The following PID1 variants were observed in gnomAD, a reference collection of about 807,000 sequenced individuals.
PID1 encodes the protein phosphotyrosine interaction domain containing 1.
PID1 carries 10 observed loss-of-function variants against 19.1 expected under a neutral mutation model. That is an observed-to-expected ratio of 0.52 (90% CI 0.32 to 0.89). The LOEUF (loss-of-function observed/expected upper bound fraction) is 0.89. PID1 is among the 40% of genes least tolerant of loss of function. The pLI, the probability that PID1 is intolerant of heterozygous loss-of-function variation, is 0.03. For missense variants in PID1, 248 were observed against 285.3 expected, an observed-to-expected ratio of 0.87 and a Z score of 0.94; for synonymous variants, 130 against 116.0, an observed-to-expected ratio of 1.12 and a Z score of -0.78.
At chr2:229,210,722 T>C (rs985769708) in intron 1 of PID1, among the ~76,000 whole-genome samples, 4 of 152,032 alleles carry the variant, frequency 2.6e-5, no homozygotes, top group Non-Finnish European at 5.9e-5. Context: ...TGTGCCAATA[T>C]GGTGCTAGAA....
intron 1 of PID1, among the ~76,000 whole-genome samples, chr2:229,222,894 CACACACAT>C (rs774679965): frequency 0.013 from 1,689 of 131,968 alleles, 70 homozygotes; most frequent in Admixed American, 0.067. Context: ...CACACACACA[CACACACAT>C]GTACCCTATT....
intron 2 of PID1, among the ~76,000 whole-genome samples, chr2:229,055,623 T>C (rs1250536608): frequency 6.6e-6 from 1 of 152,218 alleles, no homozygotes; most frequent in Non-Finnish European, 1.5e-5. Context: ...TCTGTATCTA[T>C]AATATGTTTT....
chr2:229,233,490 ATTTTTTT>A (rs56199529), intron 1 of PID1, among the ~76,000 whole-genome samples: 2 of 141,946 alleles, frequency 1.4e-5, no homozygotes, highest in Non-Finnish European at 1.5e-5. Context: ...AGTGTGCTAG[ATTTTTTT>A]TTTTTTTTTT....
At chr2:229,119,969 C>T (rs574620463) in intron 2 of PID1, among the ~76,000 whole-genome samples, 3 of 152,256 alleles carry the variant, frequency 2.0e-5, no homozygotes, top group East Asian at 1.9e-4. Flanking sequence ...TCTTCAGACT[C>T]GGACTGGCCT....
chr2:229,218,429 A>T (rs1691896540), intron 1 of PID1, among the ~76,000 whole-genome samples: 1 of 152,132 alleles, frequency 6.6e-6, no homozygotes, highest in Non-Finnish European at 1.5e-5. Context: ...CACAAGTCGT[A>T]ATCACAGAGT....
chr2:229,201,556 T>A (rs1481394190), intron 1 of PID1, among the ~76,000 whole-genome samples: 1 of 152,016 alleles, frequency 6.6e-6, no homozygotes, highest in Non-Finnish European at 1.5e-5. Context: ...TTCCATGCTT[T>A]GGCTATTGTA....
intron 1 of PID1, among the ~76,000 whole-genome samples, chr2:229,222,796 G>A (rs1488803688): frequency 6.6e-6 from 1 of 151,864 alleles, no homozygotes; most frequent in Non-Finnish European, 1.5e-5. Flanking sequence ...GCTCTGCTGG[G>A]TCCGGATTTC....
intron 2 of PID1, among the ~76,000 whole-genome samples, chr2:229,104,470 G>A (rs931643355): frequency 2.0e-5 from 3 of 152,160 alleles, no homozygotes; most frequent in African/African-American, 4.8e-5. Flanking sequence ...ATACAAATGT[G>A]TACTCCTATT....
intron 1 of PID1, among the ~76,000 whole-genome samples, chr2:229,197,717 AT>A (rs1302757208): frequency 2.0e-5 from 3 of 151,976 alleles, no homozygotes; most frequent in African/African-American, 7.2e-5. Context: ...AAGCAATATA[AT>A]CCCTCTTGCT....
intron 2 of PID1, among the ~76,000 whole-genome samples, chr2:229,069,605 A>T (rs532918555): frequency 6.6e-6 from 1 of 152,320 alleles, no homozygotes; most frequent in East Asian, 1.9e-4. Context: ...TAGCCAACAT[A>T]TATTGAGAAA....
chr2:229,236,727 A>G (rs1689695186), intron 1 of PID1: 1 of 152,380 alleles, frequency 6.6e-6, no homozygotes, highest in Non-Finnish European at 1.5e-5. Flanking sequence ...CACCAGGTAG[A>G]AGGAAGAGGC....
chr2:229,231,014 G>A (rs1336472918), intron 1 of PID1, among the ~76,000 whole-genome samples: 1 of 151,880 alleles, frequency 6.6e-6, no homozygotes, highest in Non-Finnish European at 1.5e-5. Flanking sequence ...CTTTTTTAAT[G>A]GCAAGGCATG....
intron 2 of PID1, among the ~76,000 whole-genome samples, chr2:229,153,544 C>T (rs964801914): frequency 6.6e-6 from 1 of 152,084 alleles, no homozygotes; most frequent in Non-Finnish European, 1.5e-5. Context: ...CCGAGGCCAG[C>T]GGAACCCTTG....
chr2:229,038,444 A>G (rs1297370848), intron 2 of PID1, among the ~76,000 whole-genome samples: 2 of 152,182 alleles, frequency 1.3e-5, no homozygotes, highest in Non-Finnish European at 2.9e-5. Context: ...AAGGTTACAT[A>G]CTATATGATT....
chr2:229,076,059 T>C (rs547539948), intron 2 of PID1, among the ~76,000 whole-genome samples: 38 of 152,358 alleles, frequency 2.5e-4, no homozygotes, highest in African/African-American at 8.9e-4. Flanking sequence ...GACTACCTAA[T>C]ATTCAGAATC....
At chr2:229,218,161 G>A (rs974427546) in intron 1 of PID1, among the ~76,000 whole-genome samples, 2 of 152,058 alleles carry the variant, frequency 1.3e-5, no homozygotes, top group African/African-American at 4.8e-5. Context: ...GGGCCTGTGA[G>A]AGTGACTGGA....
intron 2 of PID1, among the ~76,000 whole-genome samples, chr2:229,098,588 G>A (rs1695016615): frequency 6.6e-6 from 1 of 152,090 alleles, no homozygotes; most frequent in Non-Finnish European, 1.5e-5. Context: ...CCTGGGGCTG[G>A]GGGGGAAGAA....
chr2:229,256,928 T>C lies in PID1; in HGVS notation c.30+14086A>G, dbSNP rs564205237. On this transcript the variant is annotated intron_variant, in intron 1 of 2. Transcript: ENST00000392055. ...TACATATCAGAGGCTCTGAAATAAC[T>C]CCTAATAAGTGAAGCAGCCAAGATT... 7.9e-5 allele frequency among the ~76,000 whole-genome samples: 12 copies of C among 152,246 alleles called. No individual in the cohort carries two copies. The South Asian group carries it at 2.5e-3, about 32-fold the overall frequency.
At chr2:229,148,822 A>G (rs969498230) in intron 2 of PID1, among the ~76,000 whole-genome samples, 5 of 152,086 alleles carry the variant, frequency 3.3e-5, no homozygotes, top group African/African-American at 7.2e-5. Flanking sequence ...AAGTCTACAA[A>G]GAGTAAAAAT....
Sources: allele counts gnomAD v4.1 joint callset (sites outside exome capture counted in the v4.1 genomes callset), GRCh38; gene constraint gnomAD v4.1.1; transcripts MANE v1.5; gene names NCBI Gene and HGNC (gene_info 2026-07-23, HGNC 2026-07-21).